The following TRIM38 variants were observed in gnomAD, a reference collection of about 807,000 sequenced individuals.
TRIM38 encodes tripartite motif containing 38, also known as E3 ubiquitin-protein ligase TRIM38.
Under a neutral mutation model 35.8 loss-of-function variants are expected in TRIM38, and 35 were observed. The observed-to-expected ratio is 0.98, with a 90% CI of 0.75 to 1.30. The LOEUF is 1.30. Ranked by LOEUF, TRIM38 falls within the 50% of genes most tolerant of loss-of-function variation. The pLI, the probability that TRIM38 is intolerant of heterozygous loss-of-function variation, is 0.00. For synonymous variants in TRIM38, 198 were observed against 204.7 expected, an observed-to-expected ratio of 0.97 and a Z score of 0.28; for missense variants, 545 against 556.9, an observed-to-expected ratio of 0.98 and a Z score of 0.21.
At chr6:25,965,259 T>C (rs1242885282) in intron 2 of TRIM38, among the ~76,000 whole-genome samples, 2 of 152,228 alleles carry the variant, frequency 1.3e-5, no homozygotes, top group Non-Finnish European at 2.9e-5. Flanking sequence ...GAATGTTGTA[T>C]ATTGAGGCTG....
rs1259308684 is a variant in TRIM38 at position 25,988,492 on chromosome 6, C to CTTTTTTTTTTTTTTTTTTTTT, written c.*4808_*4809insTTTTTTTTTTTTTTTTTTTTT. On this transcript the variant is annotated 3_prime_UTR_variant, in exon 8 of 8. Transcript: ENST00000357085. ...TCTTTTTCTTTTTCTTTTTTCTTTT[C>CTTTTTTTTTTTTTTTTTTTTT]TTTCTTTTTTTTTTTTTTTTTGAGA... 6.6e-5 allele frequency: 2 copies of CTTTTTTTTTTTTTTTTTTTTT among 30,136 alleles called. No individual in the cohort carries two copies. The highest frequency in any genetic ancestry group is 4.0e-4 in the Admixed American group (1 of 2,526). 1.9% of individuals were successfully genotyped at this position (30,136 alleles called of 1,614,324 possible). A position where few individuals can be genotyped will look rare whatever the true frequency, so the allele number is the denominator to read the frequency against.
chr6:25,975,819 T>G (rs893819448), intron 7 of TRIM38: 2 of 589,696 alleles, frequency 3.4e-6, no homozygotes, highest in Non-Finnish European at 4.3e-6. Context: ...CTGATGGAGC[T>G]TCAGGCTGTT....
At chr6:25,981,495 A>G (rs1260633672) in intron 7 of TRIM38, among the ~76,000 whole-genome samples, 1 of 152,254 alleles carries the variant, frequency 6.6e-6, no homozygotes, top group East Asian at 1.9e-4. Context: ...CTCTTGTTAG[A>G]ACATCCTATT....
rs1425250684 is a variant in TRIM38 at position 25,967,710 on chromosome 6, T to C, written c.411+777T>C. Among the ~76,000 whole-genome samples the C allele has an allele frequency of 1.3e-5, 2 of 151,740 alleles. 1 individual carries two copies. The highest frequency in any genetic ancestry group is 1.3e-4 in the Admixed American group (2 of 15,206). On this transcript the variant is annotated intron_variant, in intron 3 of 7. Coordinates refer to ENST00000357085, the MANE Select transcript of TRIM38 (RefSeq NM_006355.5). Reference sequence around the variant, plus strand: ...CCCCACCATACCTGGATAATTTTTTTATTTTTTGTAGAGACATGGTCTGCC... The same window carrying C: ...CCCCACCATACCTGGATAATTTTTTCATTTTTTGTAGAGACATGGTCTGCC...
chr6:25,988,213 C>A lies in TRIM38; in HGVS notation c.*4526C>A, dbSNP rs1760766296. ...GCAGAACTGCCCCTGAGCTGCTACT[C>A]TGGGCACATTACTTATGGGTTAGCC... On this transcript the variant is annotated 3_prime_UTR_variant, in exon 8 of 8. Transcript: ENST00000357085. 1 of 152,202 alleles carries A rather than the reference C, an allele frequency of 6.6e-6. No individual in the cohort carries two copies. 9.4% of individuals were successfully genotyped at this position (152,202 alleles called of 1,614,324 possible). A position where few individuals can be genotyped will look rare whatever the true frequency, so the allele number is the denominator to read the frequency against.
At chr6:25,975,267 T>C in intron 7 of TRIM38, 1 of 397,748 alleles carries the variant, frequency 2.5e-6, no homozygotes, top group Non-Finnish European at 3.4e-6. Flanking sequence ...TGGCTTGCAG[T>C]GCCGCAATCT....
intron 5 of TRIM38, 106 bp from the exon 6 acceptor site, chr6:25,972,948 A>G (rs549511190): frequency 3.8e-4 from 540 of 1,429,994 alleles, no homozygotes; most frequent in Non-Finnish European, 4.6e-4. Context: ...GACTAGGGTA[A>G]CTCTCTTTAC....
At position 25,969,363 on chromosome 6, in the gene TRIM38, T is replaced by A. The variant is rs772879397; in HGVS notation, c.450T>A (p.Leu150=). The A allele has an allele frequency of 6.2e-7, 1 of 1,612,996 alleles. No individual in the cohort carries two copies. The highest frequency in any genetic ancestry group is 8.5e-7 in the Non-Finnish European group (1 of 1,179,486). ...AAGCTGTGACAAAACTGAAGCAACTTGAAGACAGATGTACGGAGCAGAAGC... is the reference window on the plus strand; with the variant it reads ...AAGCTGTGACAAAACTGAAGCAACTAGAAGACAGATGTACGGAGCAGAAGC... ...LQKAVTKLKQ[L]EDRCTEQKLS... is the part of the protein sequence containing the mutation. The change falls in exon 4 of 8, where the codon CTT becomes CTA. Residue 150 remains leucine, a synonymous_variant. Transcript: ENST00000357085.
At chr6:25,965,378 CTACTCA>C (rs1236439761) in intron 2 of TRIM38, among the ~76,000 whole-genome samples, 29 of 152,058 alleles carry the variant, frequency 1.9e-4, no homozygotes, top group African/African-American at 6.8e-4. Context: ...ATTTAAATTC[CTACTCA>C]TGATAGTGGC....
intron 7 of TRIM38, among the ~76,000 whole-genome samples, chr6:25,980,880 A>AT (rs1282851238): frequency 6.6e-6 from 1 of 152,126 alleles, no homozygotes; most frequent in Admixed American, 6.5e-5. Flanking sequence ...TCCAATTGAT[A>AT]TTTTTTCTCT....
At position 25,990,166 on chromosome 6, in the gene TRIM38, T is replaced by A. The variant is rs1760804501; in HGVS notation, c.*6479T>A. ...TTTGTTGTTTTGTTCTGCTACAGGA[T>A]ATTTGCAATTGCCATTTATCATGAA... On this transcript the variant is annotated 3_prime_UTR_variant, in exon 8 of 8. Transcript: ENST00000357085. 6.6e-6 allele frequency: 1 copy of A among 152,226 alleles called. No individual in the cohort carries two copies. Among genetic ancestry groups the A allele is most frequent in the South Asian group, 2.1e-4 (1 of 4,838 alleles). The allele number at this position is 152,226 out of a possible 1,614,324, so 9.4% of individuals were successfully genotyped here.
chr6:25,975,123 T>C lies in TRIM38; in HGVS notation c.874+1838T>C. On this transcript the variant is annotated intron_variant, in intron 7 of 7. Transcript: ENST00000357085. Reference sequence around the variant, plus strand: ...TCTCGGCTCACTGCAAGCTCCGCCTTCCGGGTCAAGTGAAACTATTTCTTA... The same window carrying C: ...TCTCGGCTCACTGCAAGCTCCGCCTCCCGGGTCAAGTGAAACTATTTCTTA... The C allele has an allele frequency of 3.1e-6, 3 of 973,346 alleles. No individual in the cohort carries two copies. In the African/African-American group the frequency reaches 5.3e-5, roughly 17 times the overall value. The allele number at this position is 973,346 out of a possible 1,614,324, so 60.3% of individuals were successfully genotyped here. A position where few individuals can be genotyped will look rare whatever the true frequency, so the allele number is the denominator to read the frequency against.
In TRIM38 at chr6:25,989,593, A is replaced by T. The variant is rs540887514; in HGVS notation, c.*5906A>T. The T allele has an allele frequency of 5.6e-5, 8 of 142,590 alleles. No homozygotes were observed. In the East Asian group the frequency reaches 1.7e-3, roughly 30 times the overall value. 8.8% of individuals were successfully genotyped at this position (142,590 alleles called of 1,614,324 possible). A position where few individuals can be genotyped will look rare whatever the true frequency, so the allele number is the denominator to read the frequency against. On this transcript the variant is annotated 3_prime_UTR_variant, in exon 8 of 8. Coordinates refer to ENST00000357085, the MANE Select transcript of TRIM38 (RefSeq NM_006355.5). ...GGTCTCGAACTCCAGGCCTAAAATG[A>T]TCCTCCTGCCTTGGCCTTCCAAAGT... is the stretch of plus-strand genomic sequence containing the variant.
chr6:25,982,358 C>T (rs527472594), intron 7 of TRIM38, among the ~76,000 whole-genome samples: 15 of 152,330 alleles, frequency 9.8e-5, no homozygotes, highest in Non-Finnish European at 1.5e-4. Flanking sequence ...TGTCCTCATG[C>T]CCTCACCTGT....
chr6:25,970,294 T>C (rs1760193557), intron 4 of TRIM38, among the ~76,000 whole-genome samples: 1 of 152,224 alleles, frequency 6.6e-6, no homozygotes, highest in African/African-American at 2.4e-5. Flanking sequence ...ATTATTTCCG[T>C]GGCTGACTAA....
At chr6:25,982,068 T>C (rs1760558901) in intron 7 of TRIM38, among the ~76,000 whole-genome samples, 2 of 152,120 alleles carry the variant, frequency 1.3e-5, no homozygotes, top group African/African-American at 2.4e-5. Flanking sequence ...CTCGTGGCCT[T>C]TGGAACACCA....
rs78235403 is a variant in TRIM38, at chr6:25,969,407, T to C, written c.494T>C (p.Ile165Thr). Residue 165 changes from isoleucine (I) to threonine (T), a missense_variant, in exon 4 of 8, where the codon ATA becomes ACA. By Grantham distance (89) the Ile-to-Thr change is moderately conservative (BLOSUM62 -1). Coordinates refer to ENST00000357085, the MANE Select transcript of TRIM38 (RefSeq NM_006355.5). ...CAGAAGCTGTCCACAGCAATGCGAATAACTAAATGGAAAGTAAGAATCTGA... is the reference window on the plus strand; with the variant it reads ...CAGAAGCTGTCCACAGCAATGCGAACAACTAAATGGAAAGTAAGAATCTGA... ...TEQKLSTAMR[I>T]TKWKEKVQIQ... 0.01 allele frequency: 16,427 copies of C among 1,608,444 alleles called. 496 individuals are homozygous for C. Among genetic ancestry groups the C allele is most frequent in the East Asian group, 0.046 (2,044 of 44,754 alleles).
chr6:25,974,203 C>T (rs1760324880), intron 7 of TRIM38, among the ~76,000 whole-genome samples: 1 of 152,148 alleles, frequency 6.6e-6, no homozygotes, highest in Admixed American at 6.5e-5. Context: ...AGGAAGAATC[C>T]ACTTCCAAGC....
chr6:25,976,649 T>G (rs1760402147), intron 7 of TRIM38, among the ~76,000 whole-genome samples: 1 of 152,202 alleles, frequency 6.6e-6, no homozygotes, highest in Admixed American at 6.5e-5. Context: ...GTTGTTGCTG[T>G]TGCAGACAAT....
Sources: allele counts gnomAD v4.1 joint callset (sites outside exome capture counted in the v4.1 genomes callset), GRCh38; gene constraint gnomAD v4.1.1; transcripts MANE v1.5; gene names NCBI Gene and HGNC (gene_info 2026-07-23, HGNC 2026-07-21).